HIVEP3: variants seen among roughly 807,000 people sequenced by gnomAD.
HIVEP3 encodes the protein transcription factor HIVEP3.
HIVEP3 carries 49 observed loss-of-function variants against 152.8 expected under a neutral mutation model. The observed-to-expected ratio is 0.32, with a 90% confidence interval of 0.26 to 0.41. The LOEUF (loss-of-function observed/expected upper bound fraction) is 0.41, where lower values mean the gene tolerates loss of function less well. Ranked by LOEUF, HIVEP3 falls within the 10% of genes least tolerant of loss-of-function variation. The pLI, the probability that HIVEP3 is intolerant of heterozygous loss-of-function variation, is 1.00. For missense variants in HIVEP3, 2,790 were observed against 3,103.3 expected (o/e 0.90, Z 2.40); for synonymous variants, 1,269 against 1,289.0 (o/e 0.98, Z 0.33).
intron 2 of HIVEP3, among the ~76,000 whole-genome samples, chr1:41,665,705 T>TACACACACACACACACACACACACACAC (rs1489493920): frequency 4.6e-5 from 1 of 21,844 alleles, no homozygotes; most frequent in Non-Finnish European, 7.2e-5. Context: ...ACGGAAATGT[T>TACACACACACACACACACACACACACAC]ATACACACAC....
At chr1:41,959,392 T>G (rs1645157241) in intron 1 of HIVEP3, among the ~76,000 whole-genome samples, 1 of 152,208 alleles carries the variant, frequency 6.6e-6, no homozygotes, top group Non-Finnish European at 1.5e-5. Flanking sequence ...CTGCTATAGC[T>G]GAGAGTCTGA....
chr1:41,621,701 T>C (rs772350280), intron 3 of HIVEP3, among the ~76,000 whole-genome samples: 1 of 152,178 alleles, frequency 6.6e-6, no homozygotes, highest in Non-Finnish European at 1.5e-5. Flanking sequence ...TTCTAGTTTT[T>C]GAGATGAGGT....
intron 2 of HIVEP3, among the ~76,000 whole-genome samples, chr1:41,678,404 A>C (rs1482621330): frequency 6.6e-6 from 1 of 152,134 alleles, no homozygotes; most frequent in Non-Finnish European, 1.5e-5. Context: ...GCTCTTTTAG[A>C]AGTCCCATTC....
At position 41,536,276 on chromosome 1, in the gene HIVEP3, A is replaced by G. The variant is rs142597399; in HGVS notation, c.5208-11366T>C. Among the ~76,000 whole-genome samples the G allele has an allele frequency of 5.1e-3, 781 of 152,264 alleles. 2 individuals carry two copies. Among genetic ancestry groups the G allele is most frequent in the African/African-American group, 0.018 (747 of 41,528 alleles). ...TCTAGTAGTAGGTAGTAGGTAGAATAGCATTATTCTACTACTCCTAGCTAG... is the reference window on the plus strand; with the variant it reads ...TCTAGTAGTAGGTAGTAGGTAGAATGGCATTATTCTACTACTCCTAGCTAG... On this transcript the variant is annotated intron_variant, in intron 5 of 8. Transcript: ENST00000372583.
intron 5 of HIVEP3, among the ~76,000 whole-genome samples, chr1:41,528,229 C>T (rs1173882599): frequency 1.5e-5 from 2 of 134,616 alleles, no homozygotes; most frequent in Admixed American, 1.4e-4. Flanking sequence ...ACTCCACCCT[C>T]ACACCCTCAC....
intron 1 of HIVEP3, among the ~76,000 whole-genome samples, chr1:41,913,933 C>T (rs934180977): frequency 3.3e-5 from 5 of 152,126 alleles, no homozygotes; most frequent in African/African-American, 7.2e-5. Context: ...AAGGGTCCAC[C>T]GATGCTCAGA....
At position 41,580,041 on chromosome 1, in the gene HIVEP3, C is replaced by T. The variant is rs763399469; in HGVS notation, c.4757G>A (p.Gly1586Asp). The T allele has an allele frequency of 3.7e-6, 6 of 1,614,092 alleles. No individual in the cohort carries two copies. The highest frequency in any genetic ancestry group is 1.1e-5 in the South Asian group (1 of 91,088). Reference sequence around the variant, plus strand: ...CTGCAGTACCTTCTTTGAGTCCGTACCTTCTTGTGACTTGGCTGGTCTGGA... The same window carrying T: ...CTGCAGTACCTTCTTTGAGTCCGTATCTTCTTGTGACTTGGCTGGTCTGGA... Reference protein sequence around the residue: ...TSSRPAKSQEGTDSKKVLQFP... With the variant: ...TSSRPAKSQEDTDSKKVLQFP... Residue 1586 changes from glycine (G) to aspartate (D), a missense_variant, in exon 4 of 9, where the codon GGT becomes GAT. Gly to Asp is a moderately conservative substitution (Grantham distance 94). This residue lies in a region of HIVEP3 where 1,078 missense variants were observed against 1,165.3 expected (regional missense o/e 0.93). Coordinates refer to ENST00000372583, the MANE Select transcript of HIVEP3 (RefSeq NM_024503.5).
At chr1:41,532,109 G>T (rs1643277345) in intron 5 of HIVEP3, among the ~76,000 whole-genome samples, 2 of 143,354 alleles carry the variant, frequency 1.4e-5, no homozygotes, top group Non-Finnish European at 3.1e-5. Flanking sequence ...GAGAGGACAG[G>T]AGAGATGGAG....
chr1:41,605,731 T>G (rs1644814044), intron 3 of HIVEP3, among the ~76,000 whole-genome samples: 1 of 150,454 alleles, frequency 6.6e-6, no homozygotes, highest in African/African-American at 2.5e-5. Flanking sequence ...AGGGGATGAG[T>G]GGGAGAAAGA....
intron 1 of HIVEP3, among the ~76,000 whole-genome samples, chr1:41,737,268 T>C (rs1251557984): frequency 2.6e-5 from 4 of 152,188 alleles, no homozygotes; most frequent in Non-Finnish European, 5.9e-5. Flanking sequence ...CTGGCAGGGT[T>C]GTCTGGGGGA....
rs201279333 is a variant in HIVEP3 at position 41,512,924 on chromosome 1, C to A, written c.6297G>T (p.Ala2099=). Residue 2099 remains alanine (A), a synonymous_variant, in exon 8 of 9, where the codon GCG becomes GCT. Coordinates refer to ENST00000372583, the MANE Select transcript of HIVEP3 (RefSeq NM_024503.5). ...WALAGPGSPS[A]GEHGPGLGLD... is the part of the protein sequence containing the mutation. Reference sequence around the variant, plus strand: ...GCCCCAAGCCTGGGCCATGCTCCCCCGCTGAGGGGCTGCCCGGCCCAGCCA... The same window carrying A: ...GCCCCAAGCCTGGGCCATGCTCCCCAGCTGAGGGGCTGCCCGGCCCAGCCA... The A allele has an allele frequency of 1.9e-6, 3 of 1,595,230 alleles. No individual in the cohort carries two copies. The highest frequency in any genetic ancestry group is 1.8e-5 in the Admixed American group (1 of 56,870).
intron 1 of HIVEP3, among the ~76,000 whole-genome samples, chr1:42,005,088 C>G (rs533669759): frequency 6.6e-6 from 1 of 152,296 alleles, no homozygotes; most frequent in Admixed American, 6.5e-5. Context: ...GATGGGAGCA[C>G]TGCCCCCTCC....
rs757791609 is a variant in HIVEP3, at chr1:41,583,673, G to C, written c.1125C>G (p.Ile375Met). 15 of 1,613,940 alleles carry C rather than the reference G, an allele frequency of 9.3e-6. No homozygotes were observed. Among genetic ancestry groups the C allele is most frequent in the Non-Finnish European group, 1.0e-5 (12 of 1,180,002 alleles). The change falls in exon 4 of 9, where the codon ATC (isoleucine) becomes ATG (methionine). Residue 375 changes from isoleucine (I) to methionine (M), a missense_variant. Ile to Met is a conservative substitution (Grantham distance 10). This residue lies in a region of HIVEP3 where 134 missense variants were observed against 242.5 expected (regional missense o/e 0.55). Transcript: ENST00000372583. The surrounding 1 kb of genome is among the most constrained non-coding windows in gnomAD (Gnocchi z 6.9). ...ALRLSERKKV[I>M]DEQAFLSPGS... The stretch of plus-strand genomic sequence containing the variant: ...CTGGGCTCAGAAACGCCTGCTCATC[G>C]ATCACCTTCTTCCTCTCGCTTAAGC...
intron 3 of HIVEP3, among the ~76,000 whole-genome samples, chr1:41,620,338 T>C (rs1164761428): frequency 6.6e-6 from 1 of 152,204 alleles, no homozygotes; most frequent in Non-Finnish European, 1.5e-5. Flanking sequence ...ACCCATGACA[T>C]AGTTTCTTTT....
intron 5 of HIVEP3, among the ~76,000 whole-genome samples, chr1:41,575,106 C>T (rs1301131048): frequency 6.6e-6 from 1 of 152,248 alleles, no homozygotes; most frequent in Non-Finnish European, 1.5e-5. Context: ...GCCTAGTCGG[C>T]TGAGCCCAAG....
intron 2 of HIVEP3, among the ~76,000 whole-genome samples, chr1:41,672,594 T>C (rs1488882076): frequency 6.6e-6 from 1 of 152,206 alleles, no homozygotes; most frequent in Admixed American, 6.5e-5. Flanking sequence ...TATCCCTTTT[T>C]ACAGGTGAAG....
chr1:41,805,828 G>A (rs1424742879), intron 1 of HIVEP3, among the ~76,000 whole-genome samples: 1 of 152,174 alleles, frequency 6.6e-6, no homozygotes. Flanking sequence ...CTGATGGAGA[G>A]CACCTCTTTT....
chr1:42,006,604 T>C (rs1442433039), intron 1 of HIVEP3, among the ~76,000 whole-genome samples: 1 of 151,008 alleles, frequency 6.6e-6, no homozygotes, highest in Non-Finnish European at 1.5e-5. Context: ...AGAGTGGTGC[T>C]GTTTCACACT....
chr1:41,900,447 A>C (rs569377478), intron 1 of HIVEP3, among the ~76,000 whole-genome samples: 8 of 152,200 alleles, frequency 5.3e-5, no homozygotes, highest in South Asian at 2.1e-4. Flanking sequence ...CAGGTTTTAG[A>C]ATTTTTGGTG....
Sources: allele counts gnomAD v4.1 joint callset (sites outside exome capture counted in the v4.1 genomes callset), GRCh38; gene constraint gnomAD v4.1.1; regional missense constraint gnomAD v4.1.1; non-coding constraint Gnocchi (gnomAD v3.1); transcripts MANE v1.5; gene names NCBI Gene and HGNC (gene_info 2026-07-23, HGNC 2026-07-21).